Variants in TTBK2 observed in about 807,000 individuals in gnomAD.
The protein encoded by TTBK2 is tau-tubulin kinase 2.
TTBK2 carries 28 observed loss-of-function variants against 110.8 expected under a neutral mutation model. The ratio of observed to expected loss-of-function variants is 0.25; its 90% confidence interval spans 0.19 to 0.35. TTBK2 has a LOEUF of 0.35. TTBK2 is among the 10% of genes least tolerant of loss of function. The probability of loss-of-function intolerance (pLI) is 1.00; values close to 1 mark genes in which losing one functional copy is unlikely to be tolerated. For synonymous variants in TTBK2, 532 were observed against 527.3 expected, an observed-to-expected ratio of 1.01 and a Z score of -0.12; for missense variants, 1,369 against 1,500.3, an observed-to-expected ratio of 0.91 and a Z score of 1.45.
chr15:42,760,393 AAAAAAAAAAAC>A (rs2062009117), intron 13 of TTBK2, among the ~76,000 whole-genome samples: 1 of 150,874 alleles, frequency 6.6e-6, no homozygotes, highest in Non-Finnish European at 1.5e-5. Context: ...TCAAAAAAAA[AAAAAAAAAAAC>A]AAAAAAAGAA....
chr15:42,825,985 A>G (rs1361441382), intron 6 of TTBK2, among the ~76,000 whole-genome samples: 1 of 152,064 alleles, frequency 6.6e-6, no homozygotes, highest in Non-Finnish European at 1.5e-5. Context: ...ATTCTTCCTT[A>G]ATTTTTTAAT....
chr15:42,815,901 TATATATTTAAAA>T (rs1859770229), intron 7 of TTBK2, among the ~76,000 whole-genome samples: 2 of 114,920 alleles, frequency 1.7e-5, no homozygotes, highest in Admixed American at 9.7e-5. Context: ...AAAATATATA[TATATATTTAAAA>T]ATATATATAT....
chr15:42,874,612 C>T (rs551878791), intron 2 of TTBK2, among the ~76,000 whole-genome samples: 27 of 151,954 alleles, frequency 1.8e-4, no homozygotes, highest in South Asian at 1.2e-3. Flanking sequence ...CCACCACACC[C>T]GGCCGATCCT....
intron 1 of TTBK2, among the ~76,000 whole-genome samples, chr15:42,914,660 G>C (rs1437642639): frequency 2.0e-5 from 3 of 152,174 alleles, no homozygotes; most frequent in East Asian, 1.9e-4. Context: ...GTCTAAAGCT[G>C]TTTCATGGGT....
chr15:42,907,664 G>A (rs1255890861), intron 1 of TTBK2, among the ~76,000 whole-genome samples: 2 of 152,114 alleles, frequency 1.3e-5, no homozygotes, highest in Non-Finnish European at 2.9e-5. Context: ...GCTGAAAAGG[G>A]GAGGGGAAGG....
intron 10 of TTBK2, among the ~76,000 whole-genome samples, chr15:42,786,765 C>T (rs930088766): frequency 6.6e-6 from 1 of 150,828 alleles, no homozygotes; most frequent in Admixed American, 6.6e-5. Context: ...CCCACCCAGA[C>T]CCTCCCTCTG....
At chr15:42,775,060 T>C (rs1889840452) in intron 13 of TTBK2, 75 bp downstream of exon 13, 2 of 1,506,178 alleles carry the variant, frequency 1.3e-6, no homozygotes, top group East Asian at 4.5e-5. Context: ...GTATCTTAGT[T>C]GATCAACTGT....
chr15:42,889,909 A>C (rs1050667290), intron 1 of TTBK2, among the ~76,000 whole-genome samples: 4 of 152,108 alleles, frequency 2.6e-5, no homozygotes, highest in African/African-American at 4.8e-5. Flanking sequence ...TCGCCACTCC[A>C]ACACTTCACT....
chr15:42,826,851 TG>T (rs771310485), intron 6 of TTBK2, among the ~76,000 whole-genome samples: 20 of 152,150 alleles, frequency 1.3e-4, no homozygotes, highest in Admixed American at 1.3e-4. Flanking sequence ...ATAGAGGTTG[TG>T]GTAAAGGGAA....
chr15:42,847,525 T>C (rs1407536565), intron 3 of TTBK2, among the ~76,000 whole-genome samples: 3 of 152,256 alleles, frequency 2.0e-5, no homozygotes, highest in Non-Finnish European at 4.4e-5. Flanking sequence ...ATCTTCTCCA[T>C]GTTTTCTTCT....
chr15:42,764,899 G>A lies in TTBK2; in HGVS notation c.1998+10236C>T, dbSNP rs995266827. On this transcript the variant is annotated intron_variant, in intron 13 of 14. Transcript: ENST00000267890. Reference sequence around the variant, plus strand: ...ATATAGCCAGGTGCCCCTCTGAGACGAAGCTTCCAGAGGAAGGATCAGGCA... The same window carrying A: ...ATATAGCCAGGTGCCCCTCTGAGACAAAGCTTCCAGAGGAAGGATCAGGCA... 5.3e-5 allele frequency among the ~76,000 whole-genome samples: 8 copies of A among 152,336 alleles called. No homozygotes were observed. In the Middle Eastern group the frequency reaches 0.014, roughly 259 times the overall value.
intron 1 of TTBK2, among the ~76,000 whole-genome samples, chr15:42,912,526 T>C (rs551612078): frequency 1.3e-5 from 2 of 151,810 alleles, no homozygotes; most frequent in African/African-American, 4.8e-5. Flanking sequence ...CTGGCCAACA[T>C]GATGAAACCC....
At chr15:42,867,540 C>G (rs1894423630) in intron 3 of TTBK2, among the ~76,000 whole-genome samples, 1 of 152,066 alleles carries the variant, frequency 6.6e-6, no homozygotes, top group South Asian at 2.1e-4. Context: ...TTCTGACACC[C>G]CACCAAAGAA....
In TTBK2 at chr15:42,763,175, TATATATATATATATATA is replaced by T. The variant is rs1450300111; in HGVS notation, c.1999-9945_1999-9929del. Among the ~76,000 whole-genome samples, 90 of 19,088 alleles carry T rather than the reference TATATATATATATATATA, an allele frequency of 4.7e-3. 1 individual carries two copies. The highest frequency in any genetic ancestry group is 0.02 in the African/African-American group (86 of 4,354). 12.5% of individuals were successfully genotyped at this position (19,088 alleles called of 152,430 possible). On this transcript the variant is annotated intron_variant, in intron 13 of 14. Transcript: ENST00000267890. ...ATATATACATATATATATATATATATATATATATATATATATATTTTTTTTTTTTTTTTTTTTTTTTT... is the reference window on the plus strand; with the variant it reads ...ATATATACATATATATATATATATATTTTTTTTTTTTTTTTTTTTTTTTTT...
chr15:42,836,967 T>C (rs968800758), intron 4 of TTBK2, among the ~76,000 whole-genome samples: 6 of 152,134 alleles, frequency 3.9e-5, no homozygotes, highest in Non-Finnish European at 8.8e-5. Flanking sequence ...GAGGATCAAA[T>C]AAGATGATAA....
chr15:42,825,429 G>T (rs1429169938), intron 6 of TTBK2, among the ~76,000 whole-genome samples: 2 of 152,228 alleles, frequency 1.3e-5, no homozygotes, highest in African/African-American at 2.4e-5. Context: ...CTGGGCCTGA[G>T]TTCAGGTGTG....
At chr15:42,762,344 C>T (rs969008166) in intron 13 of TTBK2, among the ~76,000 whole-genome samples, 1 of 152,182 alleles carries the variant, frequency 6.6e-6, no homozygotes, top group African/African-American at 2.4e-5. Flanking sequence ...TGCACACTCA[C>T]GTTTACTGCA....
chr15:42,896,665 G>A (rs1006133923), intron 1 of TTBK2, among the ~76,000 whole-genome samples: 1 of 151,872 alleles, frequency 6.6e-6, no homozygotes, highest in Non-Finnish European at 1.5e-5. Context: ...ATGGTGGTAC[G>A]TGCCTGTAGT....
intron 7 of TTBK2, among the ~76,000 whole-genome samples, chr15:42,814,006 G>A (rs1251669829): frequency 1.3e-5 from 2 of 152,090 alleles, no homozygotes; most frequent in Admixed American, 1.3e-4. Flanking sequence ...GTATGACAGA[G>A]TTCAAGTGTT....
Sources: allele counts gnomAD v4.1 joint callset (sites outside exome capture counted in the v4.1 genomes callset), GRCh38; gene constraint gnomAD v4.1.1; transcripts MANE v1.5; gene names NCBI Gene and HGNC (gene_info 2026-07-23, HGNC 2026-07-21).